The following LGR5 variants were observed in gnomAD, a reference collection of about 807,000 sequenced individuals.
LGR5 encodes leucine-rich repeat-containing G protein-coupled receptor 5.
A neutral mutation model predicts 76.7 loss-of-function variants in LGR5; 54 were observed. The observed-to-expected ratio is 0.70, with a 90% CI of 0.57 to 0.88. The LOEUF (loss-of-function observed/expected upper bound fraction) is 0.88, where lower values mean the gene tolerates loss of function less well. Ranked by LOEUF, LGR5 falls within the 40% of genes least tolerant of loss-of-function variation. LGR5 has a pLI of 0.00. For missense variants in LGR5, 1,078 were observed against 1,073.3 expected, an observed-to-expected ratio of 1.00 and a Z score of -0.06; for synonymous variants, 406 against 421.9, an observed-to-expected ratio of 0.96 and a Z score of 0.46.
chr12:71,511,440 G>A (rs1481263867), intron 2 of LGR5, among the ~76,000 whole-genome samples: 7 of 152,160 alleles, frequency 4.6e-5, no homozygotes, highest in Admixed American at 4.6e-4. Flanking sequence ...AGCTCTCCAG[G>A]TGATTCTGAT....
intron 3 of LGR5, among the ~76,000 whole-genome samples, chr12:71,527,978 C>T (rs1876102630): frequency 6.6e-6 from 1 of 152,150 alleles, no homozygotes; most frequent in South Asian, 2.1e-4. Flanking sequence ...AACTATAAAT[C>T]AGTACTTTAA....
At chr12:71,457,771 A>G (rs548095013) in intron 1 of LGR5, among the ~76,000 whole-genome samples, 1 of 152,252 alleles carries the variant, frequency 6.6e-6, no homozygotes, top group Admixed American at 6.5e-5. Context: ...TTTTTCCCTG[A>G]AGCTCAGCCT....
At chr12:71,551,314 C>T (rs1246984169) in intron 4 of LGR5, among the ~76,000 whole-genome samples, 1 of 152,176 alleles carries the variant, frequency 6.6e-6, no homozygotes, top group African/African-American at 2.4e-5. Flanking sequence ...AATGAGCTTC[C>T]TCCCAACAAA....
At chr12:71,517,557 T>C (rs756993476) in intron 2 of LGR5, among the ~76,000 whole-genome samples, 1 of 152,242 alleles carries the variant, frequency 6.6e-6, no homozygotes, top group Non-Finnish European at 1.5e-5. Flanking sequence ...ATCCAGCTAC[T>C]TGATGATACT....
At chr12:71,485,812 C>A (rs1873799892) in intron 1 of LGR5, among the ~76,000 whole-genome samples, 1 of 150,896 alleles carries the variant, frequency 6.6e-6, no homozygotes, top group Non-Finnish European at 1.5e-5. Flanking sequence ...TGTCTCCAGG[C>A]TGGACTGCAG....
chr12:71,541,931 T>C (rs573721523), intron 4 of LGR5, among the ~76,000 whole-genome samples: 1 of 152,146 alleles, frequency 6.6e-6, no homozygotes, highest in Non-Finnish European at 1.5e-5. Context: ...TGGGCACTGA[T>C]GAAAAGAAGG....
intron 2 of LGR5, among the ~76,000 whole-genome samples, chr12:71,514,017 C>T (rs537555393): frequency 6.6e-6 from 1 of 152,148 alleles, no homozygotes; most frequent in South Asian, 2.1e-4. Context: ...CAGAGTGGTG[C>T]GTACCTGTAG....
intron 1 of LGR5, among the ~76,000 whole-genome samples, chr12:71,465,947 T>C (rs1043172817): frequency 1.3e-5 from 2 of 152,256 alleles, no homozygotes; most frequent in African/African-American, 4.8e-5. Flanking sequence ...CAACTGCACC[T>C]CTTCCATACT....
chr12:71,573,402 C>T (rs1171204198), intron 13 of LGR5, among the ~76,000 whole-genome samples: 1 of 152,164 alleles, frequency 6.6e-6, no homozygotes, highest in Non-Finnish European at 1.5e-5. Context: ...GACTGGGAAT[C>T]TGCATTTTAA....
chr12:71,525,879 T>C (rs558049930), intron 3 of LGR5, among the ~76,000 whole-genome samples: 1 of 151,472 alleles, frequency 6.6e-6, no homozygotes, highest in Non-Finnish European at 1.5e-5. Flanking sequence ...ATATGAATTA[T>C]ACAAGTCTTA....
chr12:71,520,061 AG>A (rs1875651735), intron 2 of LGR5, among the ~76,000 whole-genome samples: 1 of 152,158 alleles, frequency 6.6e-6, no homozygotes, highest in Admixed American at 6.5e-5. Flanking sequence ...ATATACCCAA[AG>A]GAATGGAATC....
chr12:71,553,728 G>A (rs1182339901), intron 5 of LGR5, among the ~76,000 whole-genome samples: 1 of 152,160 alleles, frequency 6.6e-6, no homozygotes, highest in East Asian at 1.9e-4. Flanking sequence ...TGATGTAACT[G>A]CTCAATGAGT....
At chr12:71,450,859 C>T (rs964874347) in intron 1 of LGR5, among the ~76,000 whole-genome samples, 2 of 152,088 alleles carry the variant, frequency 1.3e-5, no homozygotes, top group Non-Finnish European at 2.9e-5. Context: ...TCAAGATGCA[C>T]CTCTGGTCAT....
chr12:71,506,554 T>C (rs1386473339), intron 2 of LGR5, among the ~76,000 whole-genome samples: 1 of 152,170 alleles, frequency 6.6e-6, no homozygotes, highest in Non-Finnish European at 1.5e-5. Context: ...TATTAATACT[T>C]TTCTGCCTTG....
At chr12:71,480,360 CAAAAAAAAA>C (rs59288333) in intron 1 of LGR5, among the ~76,000 whole-genome samples, 5 of 80,360 alleles carry the variant, frequency 6.2e-5, no homozygotes, top group Non-Finnish European at 1.3e-4. Flanking sequence ...GACTCTGTCT[CAAAAAAAAA>C]AAAAAAAAAA....
intron 4 of LGR5, among the ~76,000 whole-genome samples, chr12:71,541,532 C>T (rs919151712): frequency 6.6e-6 from 1 of 152,148 alleles, no homozygotes; most frequent in Non-Finnish European, 1.5e-5. Context: ...AGGATAAACA[C>T]GGTCTGTGAT....
At chr12:71,480,327 C>A (rs868562451) in intron 1 of LGR5, among the ~76,000 whole-genome samples, 1 of 148,120 alleles carries the variant, frequency 6.8e-6, no homozygotes, top group Non-Finnish European at 1.5e-5. Flanking sequence ...TGCCACTGCA[C>A]TCCAGCCTAG....
At position 71,582,520 on chromosome 12, in the gene LGR5, G is replaced by A; in HGVS notation, c.1617G>A (p.Val539=). 1.9e-6 allele frequency: 3 copies of A among 1,613,838 alleles called. No individual in the cohort carries two copies. Among genetic ancestry groups the A allele is most frequent in the Non-Finnish European group, 2.5e-6 (3 of 1,179,756 alleles). ...FEEDLKALHS[V]QCSPSPGPFK... The stretch of plus-strand genomic sequence containing the variant: ...AAGACCTGAAAGCCCTTCATTCAGT[G>A]CAGTGTTCACCTTCCCCAGGTGAGA... The change falls in exon 17 of 18, where the codon GTG becomes GTA. Residue 539 remains valine, a synonymous_variant. Coordinates refer to ENST00000266674, the MANE Select transcript of LGR5 (RefSeq NM_003667.4).
chr12:71,443,431 C>A (rs544602838), intron 1 of LGR5, among the ~76,000 whole-genome samples: 44 of 152,332 alleles, frequency 2.9e-4, no homozygotes, highest in Admixed American at 5.9e-4. Context: ...GTCTTCATCT[C>A]TTCTCTCCCC....
Sources: gnomAD v4.1 joint callset for allele counts (sites outside exome capture counted in the v4.1 genomes callset) on GRCh38, gnomAD v4.1.1 for gene constraint, MANE v1.5 for transcripts, NCBI Gene and HGNC (gene_info 2026-07-23, HGNC 2026-07-21) for gene names.